LHX5: variants seen among roughly 807,000 people sequenced by gnomAD.
LHX5 encodes the protein LIM/homeobox protein Lhx5.
In LHX5, 5 loss-of-function variants were observed where a neutral mutation model predicts 30.6. The observed-to-expected ratio is 0.16, with a 90% CI of 0.09 to 0.34. The LOEUF (loss-of-function observed/expected upper bound fraction) is 0.34, where lower values mean the gene tolerates loss of function less well. Among genes scored for constraint, LHX5 ranks in the 10% least tolerant of loss-of-function variants. The probability of loss-of-function intolerance (pLI) is 1.00; values close to 1 mark genes in which losing one functional copy is unlikely to be tolerated. For missense variants in LHX5, 458 were observed against 570.6 expected (o/e 0.80, Z 2.01); for synonymous variants, 266 against 252.6 (o/e 1.05, Z -0.50).
In LHX5 at chr12:113,467,139, G is replaced by T; in HGVS notation, c.841+117C>A. 9.8e-7 allele frequency: 1 copy of T among 1,022,454 alleles called. No homozygotes were observed. The highest frequency in any genetic ancestry group is 1.3e-6 in the Non-Finnish European group (1 of 749,238). 63.3% of individuals were successfully genotyped at this position (1,022,454 alleles called of 1,614,324 possible). ...TGAGTGTACATGTGTCTGTGATCGT[G>T]TGTCCAGCGAGTGGGCGATGTTCTG... is the stretch of plus-strand genomic sequence containing the variant. On this transcript the variant is annotated intron_variant, in intron 4 of 4. Transcript: ENST00000261731. The surrounding 1 kb of genome is among the most constrained non-coding windows in gnomAD (Gnocchi z 6.3).
rs1009413732 is a variant in LHX5, at chr12:113,471,490, C to T, written c.9G>A (p.Val3=). Reference sequence around the variant, plus strand: ...TGGGCCGCTCGCAACCGGCGCAGTGCACCATCATAGCCCCGCGCCCCGGCG... The same window carrying T: ...TGGGCCGCTCGCAACCGGCGCAGTGTACCATCATAGCCCCGCGCCCCGGCG... MM[V]HCAGCERPIL... Residue 3 remains valine, a synonymous_variant, in exon 1 of 5, where the codon GTG becomes GTA. Transcript: ENST00000261731. 6.2e-7 allele frequency: 1 copy of T among 1,602,826 alleles called. No individual in the cohort carries two copies.
In LHX5 at chr12:113,467,697, G is replaced by A. The variant is rs1234729269; in HGVS notation, c.676-276C>T. Among the ~76,000 whole-genome samples the A allele has an allele frequency of 2.6e-5, 4 of 152,208 alleles. No homozygotes were observed. Among genetic ancestry groups the A allele is most frequent in the Admixed American group, 6.5e-5 (1 of 15,282 alleles). On this transcript the variant is annotated intron_variant, in intron 3 of 4. Coordinates refer to ENST00000261731, the MANE Select transcript of LHX5 (RefSeq NM_022363.3). The surrounding 1 kb of genome is among the most constrained non-coding windows in gnomAD (Gnocchi z 6.3). ...CCCGCGGCCTGACGGCTCTATAAAG[G>A]CCTCCCTCCCGGCACGGCTCTCGCC...
At position 113,467,140 on chromosome 12, in the gene LHX5, T is replaced by C; in HGVS notation, c.841+116A>G. On this transcript the variant is annotated intron_variant, in intron 4 of 4. Coordinates refer to ENST00000261731, the MANE Select transcript of LHX5 (RefSeq NM_022363.3). This position sits in a 1 kb window ranked among gnomAD's most constrained non-coding sequence, Gnocchi z 6.3. Reference sequence around the variant, plus strand: ...GAGTGTACATGTGTCTGTGATCGTGTGTCCAGCGAGTGGGCGATGTTCTGG... The same window carrying C: ...GAGTGTACATGTGTCTGTGATCGTGCGTCCAGCGAGTGGGCGATGTTCTGG... The C allele has an allele frequency of 9.7e-7, 1 of 1,034,306 alleles. No individual in the cohort carries two copies. Among genetic ancestry groups the C allele is most frequent in the East Asian group, 2.9e-5 (1 of 34,590 alleles). 64.1% of individuals were successfully genotyped at this position (1,034,306 alleles called of 1,614,324 possible). A position where few individuals can be genotyped will look rare whatever the true frequency, so the allele number is the denominator to read the frequency against.
In LHX5 at chr12:113,471,664, T is replaced by G; in HGVS notation, c.-166A>C. The G allele has an allele frequency of 1.4e-5, 9 of 646,616 alleles. No homozygotes were observed. Among genetic ancestry groups the G allele is most frequent in the Non-Finnish European group, 1.0e-5 (4 of 398,442 alleles). 40.1% of individuals were successfully genotyped at this position (646,616 alleles called of 1,614,324 possible). On this transcript the variant is annotated 5_prime_UTR_variant, in exon 1 of 5. Coordinates refer to ENST00000261731, the MANE Select transcript of LHX5 (RefSeq NM_022363.3). ...TCCAGTCCTTGGGCAATCTCTGGCC[T>G]GGCGCTGGGCTGCCCGGAGTGGGGT... is the stretch of plus-strand genomic sequence containing the variant.
chr12:113,463,416 G>A lies in LHX5; in HGVS notation c.983C>T (p.Pro328Leu). ...PGSTPLGALE[P>L]PLAGPHAADN... ...CGCGGCGTGCGGGCCGGCGAGCGGC[G>A]GTTCCAGCGCTCCCAGCGGCGTCGA... The change falls in exon 5 of 5, where the codon CCG becomes CTG. Residue 328 changes from proline (P) to leucine (L), a missense_variant. Coordinates refer to ENST00000261731, the MANE Select transcript of LHX5 (RefSeq NM_022363.3). This position sits in a 1 kb window ranked among gnomAD's most constrained non-coding sequence, Gnocchi z 6.7. 6 of 1,554,278 alleles carry A rather than the reference G, an allele frequency of 3.9e-6. No homozygotes were observed. Among genetic ancestry groups the A allele is most frequent in the Non-Finnish European group, 5.2e-6 (6 of 1,151,746 alleles).
chr12:113,470,694 A>C, intron 1 of LHX5, among the ~76,000 whole-genome samples: 1 of 152,220 alleles, frequency 6.6e-6, no homozygotes, highest in East Asian at 1.9e-4. Context: ...CACAGGGCCC[A>C]CAGGGGTAGG....
Position 113,468,738 on chromosome 12 carries a change from T to C in LHX5, c.398-334A>G, listed in dbSNP as rs531839299. On this transcript the variant is annotated intron_variant, in intron 2 of 4. Coordinates refer to ENST00000261731, the MANE Select transcript of LHX5 (RefSeq NM_022363.3). ...AGGAGGGCACAGATTCCCTTGGGGCTTGGATCTTCCTCTCTCTTCCCTCCT... is the reference window on the plus strand; with the variant it reads ...AGGAGGGCACAGATTCCCTTGGGGCCTGGATCTTCCTCTCTCTTCCCTCCT... Among the ~76,000 whole-genome samples the C allele has an allele frequency of 3.3e-5, 5 of 152,352 alleles. No individual in the cohort carries two copies. The South Asian group carries it at 8.3e-4, about 25-fold the overall frequency.
rs1287069043 is a variant in LHX5 at position 113,467,469 on chromosome 12, C to T, written c.676-48G>A. ...GAACCCAGGATCAGGAGTGTCCTCT[C>T]CCCCCCTCTTCTCCCTTCCCTGACT... On this transcript the variant is annotated intron_variant, in intron 3 of 4. Coordinates refer to ENST00000261731, the MANE Select transcript of LHX5 (RefSeq NM_022363.3). This position sits in a 1 kb window ranked among gnomAD's most constrained non-coding sequence, Gnocchi z 6.3. 16 of 1,387,846 alleles carry T rather than the reference C, an allele frequency of 1.2e-5. No homozygotes were observed. The highest frequency in any genetic ancestry group is 3.0e-5 in the African/African-American group (2 of 67,794). The allele number at this position is 1,387,846 out of a possible 1,614,324, so 86.0% of individuals were successfully genotyped here. A position where few individuals can be genotyped will look rare whatever the true frequency, so the allele number is the denominator to read the frequency against.
chr12:113,469,399 C>A, intron 1 of LHX5, 54 bp from the exon 2 acceptor site: 1 of 1,533,264 alleles, frequency 6.5e-7, no homozygotes. Flanking sequence ...CAGCCCTCCC[C>A]AGCCCCTGAC....
In LHX5 at chr12:113,471,504, C is replaced by A. The variant is rs1438280721; in HGVS notation, c.-6G>T. 6.3e-7 allele frequency: 1 copy of A among 1,582,942 alleles called. No homozygotes were observed. On this transcript the variant is annotated 5_prime_UTR_variant, in exon 1 of 5. Coordinates refer to ENST00000261731, the MANE Select transcript of LHX5 (RefSeq NM_022363.3). ...CCGGCGCAGTGCACCATCATAGCCC[C>A]GCGCCCCGGCGGCTTCGGCCGCCTT...
Position 113,468,088 on chromosome 12 carries a change from C to A in LHX5, c.675+39G>T, listed in dbSNP as rs561082475. The A allele has an allele frequency of 6.0e-5, 88 of 1,477,670 alleles. No individual in the cohort carries two copies. The East Asian group carries it at 2.1e-3, about 35-fold the overall frequency. 91.5% of individuals were successfully genotyped at this position (1,477,670 alleles called of 1,614,324 possible). A position where few individuals can be genotyped will look rare whatever the true frequency, so the allele number is the denominator to read the frequency against. ...TCCTCCGAGGCTCCCGGCTCCCAGG[C>A]CAGCGGGGCTAAGGAGCTGTGCCCG... On this transcript the variant is annotated intron_variant, in intron 3 of 4. Transcript: ENST00000261731.
rs1252197534 is a variant in LHX5 at position 113,463,040 on chromosome 12, G to A, written c.*150C>T. ...CGGCCCCCCCTCGGCGCCCAGCCGA[G>A]GAGCAGCTGCCAGTTGAGTGCGGAC... On this transcript the variant is annotated 3_prime_UTR_variant, in exon 5 of 5. Coordinates refer to ENST00000261731, the MANE Select transcript of LHX5 (RefSeq NM_022363.3). This position sits in a 1 kb window ranked among gnomAD's most constrained non-coding sequence, Gnocchi z 6.7. 2.9e-6 allele frequency: 2 copies of A among 697,884 alleles called. No individual in the cohort carries two copies. The highest frequency in any genetic ancestry group is 4.4e-6 in the Non-Finnish European group (2 of 455,766). 43.2% of individuals were successfully genotyped at this position (697,884 alleles called of 1,614,324 possible). A position where few individuals can be genotyped will look rare whatever the true frequency, so the allele number is the denominator to read the frequency against.
Position 113,463,403 on chromosome 12 carries a change from G to A in LHX5, c.996C>T (p.Gly332=), listed in dbSNP as rs1446417558. The A allele has an allele frequency of 5.8e-6, 9 of 1,555,604 alleles. No homozygotes were observed. Among genetic ancestry groups the A allele is most frequent in the Non-Finnish European group, 6.1e-6 (7 of 1,152,746 alleles). The part of the protein sequence containing the change: ...PLGALEPPLA[G]PHAADNPRFT... ...ACCTGGGGTTGTCCGCGGCGTGCGG[G>A]CCGGCGAGCGGCGGTTCCAGCGCTC... Residue 332 remains glycine, a synonymous_variant, in exon 5 of 5, where the codon GGC becomes GGT. Coordinates refer to ENST00000261731, the MANE Select transcript of LHX5 (RefSeq NM_022363.3). This position sits in a 1 kb window ranked among gnomAD's most constrained non-coding sequence, Gnocchi z 6.7.
chr12:113,467,574 G>C lies in LHX5; in HGVS notation c.676-153C>G, dbSNP rs1000993996. Among the ~76,000 whole-genome samples, 2 of 152,260 alleles carry C rather than the reference G, an allele frequency of 1.3e-5. No homozygotes were observed. The highest frequency in any genetic ancestry group is 4.8e-5 in the African/African-American group (2 of 41,474). ...GGGGCCGGGCCGGATTAGGCCGGGA[G>C]GGGTGGAGAGAGGCTTCGGCGAACC... is the stretch of plus-strand genomic sequence containing the variant. On this transcript the variant is annotated intron_variant, in intron 3 of 4. Transcript: ENST00000261731. This position sits in a 1 kb window ranked among gnomAD's most constrained non-coding sequence, Gnocchi z 6.3.
At position 113,467,210 on chromosome 12, in the gene LHX5, C is replaced by T. The variant is rs370853041; in HGVS notation, c.841+46G>A. ...GCCGGGACCCTTCGCCCTCAGCTCCCGGAATAGGACAGGTGCGGAACAGCG... is the reference window on the plus strand; with the variant it reads ...GCCGGGACCCTTCGCCCTCAGCTCCTGGAATAGGACAGGTGCGGAACAGCG... On this transcript the variant is annotated intron_variant, in intron 4 of 4. Transcript: ENST00000261731. This position sits in a 1 kb window ranked among gnomAD's most constrained non-coding sequence, Gnocchi z 6.3. 46 of 1,381,942 alleles carry T rather than the reference C, an allele frequency of 3.3e-5. No individual in the cohort carries two copies. Among genetic ancestry groups the T allele is most frequent in the Middle Eastern group, 4.5e-4 (2 of 4,456 alleles). 85.6% of individuals were successfully genotyped at this position (1,381,942 alleles called of 1,614,324 possible).
chr12:113,462,852 G>A lies in LHX5; in HGVS notation c.*338C>T. 1 of 208,460 alleles carries A rather than the reference G, an allele frequency of 4.8e-6. No homozygotes were observed. Among genetic ancestry groups the A allele is most frequent in the Non-Finnish European group, 9.4e-6 (1 of 106,168 alleles). The allele number at this position is 208,460 out of a possible 1,614,324, so 12.9% of individuals were successfully genotyped here. A position where few individuals can be genotyped will look rare whatever the true frequency, so the allele number is the denominator to read the frequency against. ...CTCTCAGTCCAAAGAGGTGGCGGTGGCTGGGTGGGTGGGTGGGGGCCCGGG... is the reference window on the plus strand; with the variant it reads ...CTCTCAGTCCAAAGAGGTGGCGGTGACTGGGTGGGTGGGTGGGGGCCCGGG... On this transcript the variant is annotated 3_prime_UTR_variant, in exon 5 of 5. Transcript: ENST00000261731.
intron 1 of LHX5, among the ~76,000 whole-genome samples, chr12:113,469,757 C>A (rs1958236781): frequency 1.3e-5 from 2 of 152,214 alleles, no homozygotes; most frequent in Non-Finnish European, 2.9e-5. Context: ...GGTGGCTCTG[C>A]CTCCTGGATC....
intron 3 of LHX5, 98 bp downstream of exon 3, chr12:113,468,029 G>C: frequency 7.0e-7 from 1 of 1,426,474 alleles, no homozygotes; most frequent in Non-Finnish European, 9.2e-7. Flanking sequence ...CCAGAACCAG[G>C]CGCGCTCGTA....
In LHX5 at chr12:113,465,045, T is replaced by G. The variant is rs1328651843; in HGVS notation, c.842-1488A>C. On this transcript the variant is annotated intron_variant, in intron 4 of 4. Coordinates refer to ENST00000261731, the MANE Select transcript of LHX5 (RefSeq NM_022363.3). The surrounding 1 kb of genome is among the most constrained non-coding windows in gnomAD (Gnocchi z 6.7). ...GCCTGAGTCTCTTCTGCAAATCCAC[T>G]CCCCCTGCTGAGTCCTGGGATCTCA... 6.6e-6 allele frequency among the ~76,000 whole-genome samples: 1 copy of G among 151,752 alleles called. No homozygotes were observed. Among genetic ancestry groups the G allele is most frequent in the African/African-American group, 2.4e-5 (1 of 41,260 alleles).
Sources: gnomAD v4.1 joint callset for allele counts (sites outside exome capture counted in the v4.1 genomes callset) on GRCh38, gnomAD v4.1.1 for gene constraint, Gnocchi (gnomAD v3.1) non-coding constraint, MANE v1.5 for transcripts, NCBI Gene and HGNC (gene_info 2026-07-23, HGNC 2026-07-21) for gene names.